RBFOX1: variants seen among roughly 807,000 people sequenced by gnomAD.
RBFOX1 encodes the protein RNA binding protein fox-1 homolog 1.
In RBFOX1, 8 loss-of-function variants were observed where a neutral mutation model predicts 57.7. That is an observed-to-expected ratio of 0.14 (90% CI 0.08 to 0.25). The LOEUF (loss-of-function observed/expected upper bound fraction) is 0.25. Among genes scored for constraint, RBFOX1 ranks in the 10% least tolerant of loss-of-function variants. The pLI is 1.00. For synonymous variants in RBFOX1, 326 were observed against 222.4 expected (o/e 1.47, Z -4.15); for missense variants, 611 against 548.5 (o/e 1.11, Z -1.14).
chr16:7,623,254 C>T (rs868234423), intron 10 of RBFOX1, among the ~76,000 whole-genome samples: 9 of 152,210 alleles, frequency 5.9e-5, no homozygotes, highest in East Asian at 1.9e-4. Context: ...TTCCACGGGT[C>T]GGGTAGCAGG....
intron 12 of RBFOX1, among the ~76,000 whole-genome samples, chr16:7,663,018 C>T (rs1283950446): frequency 6.6e-6 from 1 of 152,182 alleles, no homozygotes; most frequent in Non-Finnish European, 1.5e-5. Context: ...AAGGGCATTG[C>T]CAGCACAAGG....
chr16:5,907,308 G>A (rs1406358107), intron 4 of RBFOX1, among the ~76,000 whole-genome samples: 1 of 152,114 alleles, frequency 6.6e-6, no homozygotes, highest in Non-Finnish European at 1.5e-5. Context: ...CCTGGACCAG[G>A]ATCTTCTAGA....
At chr16:6,314,554 G>T (rs1415825172) in intron 1 of RBFOX1, among the ~76,000 whole-genome samples, 1 of 152,086 alleles carries the variant, frequency 6.6e-6, no homozygotes, top group African/African-American at 2.4e-5. Context: ...AGAGAAGGTT[G>T]TAATCGAAGG....
intron 13 of RBFOX1, among the ~76,000 whole-genome samples, chr16:7,676,099 A>G (rs1347342597): frequency 6.6e-6 from 1 of 152,212 alleles, no homozygotes; most frequent in Non-Finnish European, 1.5e-5. Flanking sequence ...TTATTTACAA[A>G]TTAGAAGACT....
At chr16:5,695,556 G>A (rs2050820537) in intron 3 of RBFOX1, among the ~76,000 whole-genome samples, 1 of 152,162 alleles carries the variant, frequency 6.6e-6, no homozygotes, top group Non-Finnish European at 1.5e-5. Flanking sequence ...AAAATAATTG[G>A]TCAATCTTAG....
intron 4 of RBFOX1, among the ~76,000 whole-genome samples, chr16:7,510,775 C>G (rs2074868101): frequency 6.6e-6 from 1 of 152,090 alleles, no homozygotes; most frequent in Non-Finnish European, 1.5e-5. Flanking sequence ...TGCAAGCAAC[C>G]ATCAAGAATG....
At chr16:6,101,919 C>T (rs1052954387) in intron 1 of RBFOX1, among the ~76,000 whole-genome samples, 1 of 151,946 alleles carries the variant, frequency 6.6e-6, no homozygotes. Context: ...GGCCAGTCCA[C>T]GAATAGTGCA....
chr16:7,138,102 G>A (rs911565441), intron 4 of RBFOX1, among the ~76,000 whole-genome samples: 2 of 152,126 alleles, frequency 1.3e-5, no homozygotes, highest in Admixed American at 6.5e-5. Context: ...TCAGAGATTC[G>A]TATCACAGCC....
In RBFOX1 at chr16:7,005,651, A is replaced by G. The variant is rs141452614; in HGVS notation, c.-15-46406A>G. 4.8e-4 allele frequency among the ~76,000 whole-genome samples: 73 copies of G among 152,290 alleles called. No individual in the cohort carries two copies. In the East Asian group the frequency reaches 0.013, roughly 28 times the overall value. ...GATAGACTTTGGTGTTGCCTGTTGAACACAAACAATTTCATAGAATATCAG... is the reference window on the plus strand; with the variant it reads ...GATAGACTTTGGTGTTGCCTGTTGAGCACAAACAATTTCATAGAATATCAG... On this transcript the variant is annotated intron_variant, in intron 3 of 15. Transcript: ENST00000550418.
chr16:7,381,655 T>G (rs1467122278), intron 4 of RBFOX1, among the ~76,000 whole-genome samples: 4 of 152,216 alleles, frequency 2.6e-5, no homozygotes, highest in African/African-American at 7.2e-5. Context: ...ATATTTTATT[T>G]TATTTGGTAG....
intron 3 of RBFOX1, among the ~76,000 whole-genome samples, chr16:6,912,026 C>T (rs117029636): frequency 4.5e-4 from 68 of 152,208 alleles, no homozygotes; most frequent in Non-Finnish European, 7.5e-4. Flanking sequence ...TTCAAAGATT[C>T]CTTTTTGTGG....
intron 1 of RBFOX1, among the ~76,000 whole-genome samples, chr16:5,434,348 G>A (rs2067850438): frequency 2.4e-5 from 2 of 84,794 alleles, no homozygotes; most frequent in Non-Finnish European, 5.0e-5. Flanking sequence ...TTGAGGCAGG[G>A]TCTTACTATG....
chr16:6,911,862 G>C (rs9930261), intron 3 of RBFOX1, among the ~76,000 whole-genome samples: 4,110 of 152,218 alleles, frequency 0.027, 189 homozygotes, highest in African/African-American at 0.095. Flanking sequence ...TTTAAGAAAA[G>C]ACGTTAACTA....
At chr16:5,828,543 C>G (rs1200419381) in intron 3 of RBFOX1, among the ~76,000 whole-genome samples, 1 of 151,978 alleles carries the variant, frequency 6.6e-6, no homozygotes, top group African/African-American at 2.4e-5. Context: ...ACTAAAAATA[C>G]AAAAGATTAG....
rs536574237 is a variant in RBFOX1 at position 5,893,408 on chromosome 16, A to G, written c.351+26073A>G. Reference sequence around the variant, plus strand: ...TATAGTTGTACGTTTCAAAATAACTAAAAGAGTCTAACTGGATTGTTTGTA... The same window carrying G: ...TATAGTTGTACGTTTCAAAATAACTGAAAGAGTCTAACTGGATTGTTTGTA... On this transcript the variant is annotated intron_variant, in intron 4 of 19. Transcript: ENST00000641259. Among the ~76,000 whole-genome samples the G allele has an allele frequency of 9.8e-5, 15 of 152,360 alleles. 1 individual carries two copies. Among genetic ancestry groups the G allele is most frequent in the Admixed American group, 7.2e-4 (11 of 15,310 alleles).
intron 4 of RBFOX1, among the ~76,000 whole-genome samples, chr16:7,206,885 C>G (rs936028735): frequency 3.3e-5 from 5 of 152,164 alleles, no homozygotes; most frequent in African/African-American, 9.7e-5. Flanking sequence ...GAGAAACCGT[C>G]TTAACTTGAA....
chr16:6,053,657 C>T (rs2095579887), intron 1 of RBFOX1, among the ~76,000 whole-genome samples: 1 of 152,030 alleles, frequency 6.6e-6, no homozygotes, highest in South Asian at 2.1e-4. Context: ...ATAAATAAAA[C>T]ATTTTTCTGC....
chr16:6,816,117 G>A (rs779630650), intron 3 of RBFOX1, among the ~76,000 whole-genome samples: 1 of 152,146 alleles, frequency 6.6e-6, no homozygotes, highest in Non-Finnish European at 1.5e-5. Context: ...AGACCAGCCT[G>A]TGCAACATGA....
At chr16:6,168,141 G>A (rs2096931306) in intron 1 of RBFOX1, among the ~76,000 whole-genome samples, 1 of 152,176 alleles carries the variant, frequency 6.6e-6, no homozygotes, top group African/African-American at 2.4e-5. Flanking sequence ...TTCCCTCAGT[G>A]CTGATATGCG....
Sources: gnomAD v4.1 joint callset for allele counts (sites outside exome capture counted in the v4.1 genomes callset) on GRCh38, gnomAD v4.1.1 for gene constraint, MANE v1.5 for transcripts, NCBI Gene and HGNC (gene_info 2026-07-23, HGNC 2026-07-21) for gene names.